FBLN1: variants seen among roughly 807,000 people sequenced by gnomAD.
The protein encoded by FBLN1 is fibulin-1.
FBLN1 carries 34 observed loss-of-function variants against 89.7 expected under a neutral mutation model. That is an observed-to-expected ratio of 0.38 (90% CI 0.29 to 0.50). FBLN1 has a LOEUF of 0.50. Among genes scored for constraint, FBLN1 ranks in the 20% least tolerant of loss-of-function variants. The pLI, the probability that FBLN1 is intolerant of heterozygous loss-of-function variation, is 0.92. For synonymous variants in FBLN1, 393 were observed against 391.3 expected (o/e 1.00, Z -0.05); for missense variants, 777 against 988.1 (o/e 0.79, Z 2.86).
chr22:45,578,665 A>G lies in FBLN1; in HGVS notation c.1972+1557A>G, dbSNP rs551479785. 4.0e-4 allele frequency among the ~76,000 whole-genome samples: 61 copies of G among 152,190 alleles called. No individual in the cohort carries two copies. The highest frequency in any genetic ancestry group is 1.3e-3 in the African/African-American group (54 of 41,540). ...GTCCCACTGGGTGGGTGGGGTATGCACCCTGACACTGGCCCACAGCCGCCC... is the reference window on the plus strand; with the variant it reads ...GTCCCACTGGGTGGGTGGGGTATGCGCCCTGACACTGGCCCACAGCCGCCC... On this transcript the variant is annotated intron_variant, in intron 16 of 16. Coordinates refer to ENST00000327858, the MANE Select transcript of FBLN1 (RefSeq NM_006486.3). This position sits in a 1 kb window ranked among gnomAD's most constrained non-coding sequence, Gnocchi z 4.6.
chr22:45,513,061 A>AAACT (rs1245523033), intron 1 of FBLN1, among the ~76,000 whole-genome samples: 1 of 152,246 alleles, frequency 6.6e-6, no homozygotes, highest in African/African-American at 2.4e-5. Flanking sequence ...ATACACTGTC[A>AAACT]AACTGCTGTA....
Position 45,533,800 on chromosome 22 carries a change from T to C in FBLN1, c.686T>C (p.Leu229Pro), listed in dbSNP as rs760570023. 10 of 1,613,552 alleles carry C rather than the reference T, an allele frequency of 6.2e-6. No individual in the cohort carries two copies. Among genetic ancestry groups the C allele is most frequent in the Non-Finnish European group, 8.5e-6 (10 of 1,180,026 alleles). Residue 229 changes from leucine (L) to proline (P), a missense_variant, in exon 7 of 17, where the codon CTT becomes CCT. Physicochemically the swap from Leu to Pro is moderately conservative, Grantham distance 98. Coordinates refer to ENST00000327858, the MANE Select transcript of FBLN1 (RefSeq NM_006486.3). The stretch of plus-strand genomic sequence containing the variant: ...ATCACGGGCAGCCACAGCTGCCGGC[T>C]TGGAGAATCCTGCATCAACACAGTG... ...ECITGSHSCR[L>P]GESCINTVGS...
At chr22:45,599,896 A>G (rs958050601) in intron 16 of FBLN1, among the ~76,000 whole-genome samples, 3 of 152,212 alleles carry the variant, frequency 2.0e-5, no homozygotes, top group Admixed American at 1.3e-4. Context: ...CAGCCTGGGC[A>G]ACAAGAGTGA....
chr22:45,516,612 G>A (rs2088172673), intron 1 of FBLN1, among the ~76,000 whole-genome samples: 1 of 152,198 alleles, frequency 6.6e-6, no homozygotes, highest in South Asian at 2.1e-4. Context: ...TGAATCTCAC[G>A]TTCACCGAAG....
chr22:45,541,519 G>A, intron 9 of FBLN1, 147 bp downstream of exon 9: 1 of 1,057,718 alleles, frequency 9.5e-7, no homozygotes, highest in South Asian at 1.4e-5. Context: ...CAAGCATGGG[G>A]CTTCATTGTC....
rs1282950102 is a variant in FBLN1, at chr22:45,575,362, A to C, written c.1840+709A>C. Among the ~76,000 whole-genome samples, 1 of 151,828 alleles carries C rather than the reference A, an allele frequency of 6.6e-6. No individual in the cohort carries two copies. On this transcript the variant is annotated intron_variant, in intron 15 of 16. Transcript: ENST00000327858. The surrounding 1 kb of genome is among the most constrained non-coding windows in gnomAD (Gnocchi z 6.3). ...CCCAGTGGAGCAGGACATGGCCAGA[A>C]GGGTCTGGAGGTATGGGGGGGCGGT... is the stretch of plus-strand genomic sequence containing the variant.
At chr22:45,565,336 C>T (rs1322967908) in intron 14 of FBLN1, 1 of 1,193,436 alleles carries the variant, frequency 8.4e-7, no homozygotes, top group Non-Finnish European at 1.1e-6. Context: ...TGAGCTGCAC[C>T]TGCCCCACCC....
intron 1 of FBLN1, among the ~76,000 whole-genome samples, chr22:45,514,901 T>A (rs1415457995): frequency 6.6e-6 from 1 of 152,114 alleles, no homozygotes; most frequent in African/African-American, 2.4e-5. Flanking sequence ...GTGAGAGCAG[T>A]GGGCAGGAGG....
intron 1 of FBLN1, among the ~76,000 whole-genome samples, chr22:45,509,742 G>A (rs890644476): frequency 1.6e-4 from 24 of 152,122 alleles, no homozygotes; most frequent in Non-Finnish European, 2.9e-4. Context: ...GGGTGGAGTC[G>A]CCCAGTCCTG....
chr22:45,596,866 T>G, intron 16 of FBLN1, among the ~76,000 whole-genome samples: 1 of 145,362 alleles, frequency 6.9e-6, no homozygotes, highest in South Asian at 2.1e-4. Flanking sequence ...AAAATACACT[T>G]TAAACTATTT....
chr22:45,518,670 T>G lies in FBLN1; in HGVS notation c.80-12T>G. On this transcript the variant is annotated splice_polypyrimidine_tract_variant and intron_variant, in intron 1 of 16. Transcript: ENST00000327858. ...GTGAGCCACCTCTCAGCTTGTTCTC[T>G]TCCCTGCACAGTGGACGCGGATGTC... 1 of 1,588,036 alleles carries G rather than the reference T, an allele frequency of 6.3e-7. No homozygotes were observed. The highest frequency in any genetic ancestry group is 1.2e-5 in the South Asian group (1 of 86,844).
At position 45,580,389 on chromosome 22, in the gene FBLN1, G is replaced by A. The variant is rs1310748069; in HGVS notation, c.1972+3281G>A. The stretch of plus-strand genomic sequence containing the variant: ...ACCTGTCTGCTCTAGGCCATGCCCT[G>A]TGTGGACACTGGGCACCGGATCAGG... On this transcript the variant is annotated intron_variant, in intron 16 of 16. Transcript: ENST00000327858. This position sits in a 1 kb window ranked among gnomAD's most constrained non-coding sequence, Gnocchi z 8.6. Among the ~76,000 whole-genome samples, 2 of 152,314 alleles carry A rather than the reference G, an allele frequency of 1.3e-5. No individual in the cohort carries two copies. Among genetic ancestry groups the A allele is most frequent in the East Asian group, 1.9e-4 (1 of 5,144 alleles).
At position 45,530,458 on chromosome 22, in the gene FBLN1, G is replaced by A. The variant is rs1043772570; in HGVS notation, c.485-807G>A. On this transcript the variant is annotated intron_variant, in intron 4 of 16. Transcript: ENST00000327858. This position sits in a 1 kb window ranked among gnomAD's most constrained non-coding sequence, Gnocchi z 5.4. ...GCACCTTCCTCCCACTGCTACCAGT[G>A]CCATGGACCCACTGTATGTTTCCTG... Among the ~76,000 whole-genome samples the A allele has an allele frequency of 6.6e-6, 1 of 152,124 alleles. No homozygotes were observed. The highest frequency in any genetic ancestry group is 2.1e-4 in the South Asian group (1 of 4,816).
chr22:45,541,509 C>T, intron 9 of FBLN1, 137 bp downstream of exon 9: 1 of 1,095,094 alleles, frequency 9.1e-7, no homozygotes, highest in South Asian at 1.4e-5. Flanking sequence ...TGTCAGTTCC[C>T]AAGCATGGGG....
intron 1 of FBLN1, among the ~76,000 whole-genome samples, chr22:45,515,587 G>A (rs1329999655): frequency 1.3e-5 from 2 of 152,186 alleles, no homozygotes; most frequent in African/African-American, 4.8e-5. Context: ...CTCAGAGTCC[G>A]AAGGAGGCTC....
chr22:45,600,947 G>C lies in FBLN1; in HGVS notation c.*501G>C, dbSNP rs972732245. 1.1e-5 allele frequency: 2 copies of C among 186,860 alleles called. No homozygotes were observed. The highest frequency in any genetic ancestry group is 4.8e-5 in the African/African-American group (2 of 41,858). The allele number at this position is 186,860 out of a possible 1,614,324, so 11.6% of individuals were successfully genotyped here. On this transcript the variant is annotated 3_prime_UTR_variant, in exon 17 of 17. Transcript: ENST00000327858. ...CAGAAGCAGCATGACAGAATGCCTCGGGGAGCACTTGGAAGGGAAATTGCA... is the reference window on the plus strand; with the variant it reads ...CAGAAGCAGCATGACAGAATGCCTCCGGGAGCACTTGGAAGGGAAATTGCA...
At chr22:45,505,857 C>A (rs757300740) in intron 1 of FBLN1, among the ~76,000 whole-genome samples, 1 of 152,150 alleles carries the variant, frequency 6.6e-6, no homozygotes, top group Non-Finnish European at 1.5e-5. Context: ...CTGCAACCTC[C>A]GCCTCCCGAG....
chr22:45,574,480 C>A lies in FBLN1; in HGVS notation c.1698-31C>A. 6.2e-7 allele frequency: 1 copy of A among 1,613,770 alleles called. No homozygotes were observed. On this transcript the variant is annotated intron_variant, in intron 14 of 16. Coordinates refer to ENST00000327858, the MANE Select transcript of FBLN1 (RefSeq NM_006486.3). The surrounding 1 kb of genome is among the most constrained non-coding windows in gnomAD (Gnocchi z 4.1). ...GTGGGAGCTGCTGTCCCAGCTTCCCCGTCAGCCTCGTGTGCTGTGGTTCCC... is the reference window on the plus strand; with the variant it reads ...GTGGGAGCTGCTGTCCCAGCTTCCCAGTCAGCCTCGTGTGCTGTGGTTCCC...
rs1555960204 is a variant in FBLN1, at chr22:45,570,335, A to AAAAG, written c.1698-4173_1698-4172insGAAA. On this transcript the variant is annotated intron_variant, in intron 14 of 16. Transcript: ENST00000327858. ...ACTCTGTCTCAAAAAAAAAAAAAAAAAAAAGAAAAGAAAAGAAAAGAAAAA... is the reference window on the plus strand; with the variant it reads ...ACTCTGTCTCAAAAAAAAAAAAAAAAAAAGAAAAGAAAAGAAAAGAAAAGAAAAA... 9.0e-3 allele frequency among the ~76,000 whole-genome samples: 825 copies of AAAAG among 92,016 alleles called. 11 individuals are homozygous for AAAAG. The highest frequency in any genetic ancestry group is 0.028 in the South Asian group (69 of 2,490). 60.4% of individuals were successfully genotyped at this position (92,016 alleles called of 152,430 possible).
Sources: gnomAD v4.1 joint callset for allele counts (sites outside exome capture counted in the v4.1 genomes callset) on GRCh38, gnomAD v4.1.1 for gene constraint, Gnocchi (gnomAD v3.1) non-coding constraint, MANE v1.5 for transcripts, NCBI Gene and HGNC (gene_info 2026-07-23, HGNC 2026-07-21) for gene names.